The following TDP1 variants were observed in gnomAD, a reference collection of about 807,000 sequenced individuals.
TDP1 encodes the protein tyrosyl-DNA phosphodiesterase 1, also known as tyr-DNA phosphodiesterase 1.
A neutral mutation model predicts 81.5 loss-of-function variants in TDP1; 64 were observed. The observed-to-expected ratio is 0.79, with a 90% CI of 0.64 to 0.97. TDP1 has a LOEUF of 0.97. Among genes scored for constraint, TDP1 ranks in the 50% least tolerant of loss-of-function variants. The pLI is 0.00. For synonymous variants in TDP1, 256 were observed against 264.3 expected (o/e 0.97, Z 0.30); for missense variants, 723 against 743.8 (o/e 0.97, Z 0.33).
intron 16 of TDP1, 22 bp from the exon 17 acceptor site, chr14:90,043,048 A>G: frequency 1.9e-6 from 3 of 1,614,170 alleles, no homozygotes; most frequent in Non-Finnish European, 1.7e-6. Flanking sequence ...AATAAATATT[A>G]CGTAATGTGT....
At chr14:90,020,125 G>A (rs1447092064) in intron 15 of TDP1, among the ~76,000 whole-genome samples, 1 of 152,166 alleles carries the variant, frequency 6.6e-6, no homozygotes, top group Non-Finnish European at 1.5e-5. Flanking sequence ...GAGTGGCTGT[G>A]TCCAAACACC....
chr14:90,018,274 A>C (rs2140256346), intron 14 of TDP1, among the ~76,000 whole-genome samples: 1 of 152,276 alleles, frequency 6.6e-6, no homozygotes, highest in South Asian at 2.1e-4. Flanking sequence ...AATGAAATAG[A>C]ACTTGGGTGA....
At chr14:89,980,199 C>G in intron 7 of TDP1, 2 of 985,434 alleles carry the variant, frequency 2.0e-6, no homozygotes, top group African/African-American at 1.7e-5. Context: ...CTTTGAATCT[C>G]AAACACCAGA....
chr14:90,028,969 T>C (rs1342540032), intron 15 of TDP1, among the ~76,000 whole-genome samples: 3 of 152,102 alleles, frequency 2.0e-5, no homozygotes, highest in African/African-American at 7.2e-5. Context: ...ATAATAATCA[T>C]TAACTTGGAA....
At chr14:90,013,978 T>G (rs7144939) in intron 14 of TDP1, among the ~76,000 whole-genome samples, 6,035 of 152,256 alleles carry the variant, frequency 0.04, 397 homozygotes, top group African/African-American at 0.14. Flanking sequence ...CTTTCCTTTA[T>G]AAATTACCCA....
At chr14:90,034,272 A>G (rs1887603258) in intron 16 of TDP1, among the ~76,000 whole-genome samples, 1 of 152,216 alleles carries the variant, frequency 6.6e-6, no homozygotes, top group Non-Finnish European at 1.5e-5. Context: ...AAAACAACAA[A>G]TGATGGCTTA....
chr14:90,015,768 A>G (rs560429252), intron 14 of TDP1, among the ~76,000 whole-genome samples: 1 of 152,290 alleles, frequency 6.6e-6, no homozygotes, highest in South Asian at 2.1e-4. Flanking sequence ...TCCTCATGAC[A>G]TAATTAACCC....
intron 3 of TDP1, chr14:89,965,622 C>T (rs1892853067): frequency 4.3e-6 from 1 of 235,114 alleles, no homozygotes; most frequent in Non-Finnish European, 6.9e-6. Flanking sequence ...GTGAGACTTC[C>T]CTAGAGATGA....
At chr14:90,011,725 T>C (rs975882976) in intron 14 of TDP1, among the ~76,000 whole-genome samples, 13 of 152,202 alleles carry the variant, frequency 8.5e-5, no homozygotes, top group African/African-American at 1.2e-4. Context: ...GCAAAGTGTT[T>C]GAGGTGATTT....
intron 2 of TDP1, chr14:89,962,907 A>C (rs909833091): frequency 1.5e-4 from 151 of 985,094 alleles, no homozygotes; most frequent in Non-Finnish European, 1.7e-4. Context: ...AAAGGTGACC[A>C]GGACTTTTGC....
At chr14:89,962,775 G>A (rs1189963404) in intron 2 of TDP1, 2 of 242,076 alleles carry the variant, frequency 8.3e-6, no homozygotes, top group African/African-American at 4.7e-5. Context: ...GAGAGGATGA[G>A]GCAGGAGGAT....
intron 16 of TDP1, among the ~76,000 whole-genome samples, chr14:90,035,398 G>A (rs1020479383): frequency 5.6e-4 from 85 of 151,810 alleles, no homozygotes; most frequent in African/African-American, 2.0e-3. Flanking sequence ...TTCGTTTTCG[G>A]TAGCAAGGCT....
intron 5 of TDP1, among the ~76,000 whole-genome samples, chr14:89,968,668 C>A (rs1210856945): frequency 6.6e-6 from 1 of 152,220 alleles, no homozygotes; most frequent in Non-Finnish European, 1.5e-5. Flanking sequence ...CTGGAGGCAA[C>A]AAGCAGTTTC....
At chr14:89,969,872 A>C (rs1355487612) in intron 5 of TDP1, among the ~76,000 whole-genome samples, 2 of 79,486 alleles carry the variant, frequency 2.5e-5, no homozygotes, top group Non-Finnish European at 4.8e-5. Context: ...AAATATACTT[A>C]TTTCTTTTTT....
chr14:90,030,990 C>G (rs1887213842), intron 15 of TDP1, among the ~76,000 whole-genome samples: 5 of 151,884 alleles, frequency 3.3e-5, no homozygotes, highest in Admixed American at 2.6e-4. Flanking sequence ...CTAGGCTGGT[C>G]TTGAACTCCG....
intron 2 of TDP1, among the ~76,000 whole-genome samples, chr14:89,960,275 G>GT (rs370238893): frequency 1.4e-4 from 21 of 150,690 alleles, no homozygotes; most frequent in African/African-American, 3.9e-4. Flanking sequence ...GGTTTTGTGG[G>GT]TTTTTTTTTC....
chr14:90,024,505 T>C (rs1035160210), intron 15 of TDP1, among the ~76,000 whole-genome samples: 2 of 152,244 alleles, frequency 1.3e-5, no homozygotes, highest in Admixed American at 6.5e-5. Flanking sequence ...AGTTGTTTCC[T>C]TTAAGTTGAT....
chr14:90,006,083 G>C (rs747083479), intron 14 of TDP1, among the ~76,000 whole-genome samples: 11 of 152,122 alleles, frequency 7.2e-5, no homozygotes, highest in Non-Finnish European at 1.3e-4. Flanking sequence ...CTGCTTGTCG[G>C]GGGAGGGTCA....
At chr14:90,020,580 T>TTCCC (rs1342721490) in intron 15 of TDP1, among the ~76,000 whole-genome samples, 1 of 8,314 alleles carries the variant, frequency 1.2e-4, no homozygotes, top group Non-Finnish European at 2.0e-4. Context: ...CCTTCCTTCC[T>TTCCC]TCCCTCCCTC....
Sources: gnomAD v4.1 joint callset for allele counts (sites outside exome capture counted in the v4.1 genomes callset) on GRCh38, gnomAD v4.1.1 for gene constraint, MANE v1.5 for transcripts, NCBI Gene and HGNC (gene_info 2026-07-23, HGNC 2026-07-21) for gene names.